The following SYNDIG1 variants were observed in gnomAD, a reference collection of about 807,000 sequenced individuals.
The protein encoded by SYNDIG1 is synapse differentiation-inducing gene protein 1.
A neutral mutation model predicts 19.4 loss-of-function variants in SYNDIG1; 9 were observed. The ratio of observed to expected loss-of-function variants is 0.46; its 90% CI spans 0.28 to 0.81. The LOEUF (loss-of-function observed/expected upper bound fraction) is 0.81. Among genes scored for constraint, SYNDIG1 ranks in the 30% least tolerant of loss-of-function variants. The probability of loss-of-function intolerance (pLI) is 0.12; values close to 1 mark genes in which losing one functional copy is unlikely to be tolerated. For missense variants in SYNDIG1, 311 were observed against 343.3 expected (o/e 0.91, Z 0.74); for synonymous variants, 141 against 145.9 (o/e 0.97, Z 0.24).
At chr20:24,579,900 T>A (rs940433643) in intron 2 of SYNDIG1, among the ~76,000 whole-genome samples, 10 of 152,180 alleles carry the variant, frequency 6.6e-5, no homozygotes, top group Non-Finnish European at 1.0e-4. Flanking sequence ...AAACATTTGG[T>A]GTCATGCCCT....
intron 3 of SYNDIG1, among the ~76,000 whole-genome samples, chr20:24,632,330 CTCAGGT>C (rs1256130650): frequency 5.9e-5 from 9 of 152,324 alleles, no homozygotes; most frequent in Admixed American, 5.9e-4. Flanking sequence ...AACTCTGCCC[CTCAGGT>C]TCAAGTGATT....
chr20:24,482,453 T>A (rs975589075), intron 1 of SYNDIG1, among the ~76,000 whole-genome samples: 1 of 152,210 alleles, frequency 6.6e-6, no homozygotes, highest in Admixed American at 6.5e-5. Flanking sequence ...GCTTCAGAGA[T>A]TCCAGTTGCT....
intron 1 of SYNDIG1, among the ~76,000 whole-genome samples, chr20:24,510,295 G>A (rs1451185796): frequency 2.0e-5 from 3 of 151,904 alleles, no homozygotes; most frequent in African/African-American, 7.3e-5. Context: ...TGGGCTGGGC[G>A]CAGTGACTCA....
chr20:24,603,593 G>T (rs1600723858), intron 3 of SYNDIG1, among the ~76,000 whole-genome samples: 1 of 152,186 alleles, frequency 6.6e-6, no homozygotes, highest in Non-Finnish European at 1.5e-5. Flanking sequence ...ACACACGCCT[G>T]GGATGGCAGC....
rs184063587 is a variant in SYNDIG1 at position 24,488,287 on chromosome 20, A to G, written c.-79+18534A>G. ...TGGCCCTGGTAAAAGGCAAGGCACC[A>G]TGCGAGGCACTGCATTCACAGTGAA... On this transcript the variant is annotated intron_variant, in intron 1 of 3. Coordinates refer to ENST00000376862, the MANE Select transcript of SYNDIG1 (RefSeq NM_024893.3). Among the ~76,000 whole-genome samples, 33 of 152,372 alleles carry G rather than the reference A, an allele frequency of 2.2e-4. No homozygotes were observed. In the East Asian group the frequency reaches 6.0e-3, roughly 28 times the overall value.
intron 3 of SYNDIG1, among the ~76,000 whole-genome samples, chr20:24,660,954 G>A (rs1045226168): frequency 2.0e-5 from 3 of 152,200 alleles, no homozygotes; most frequent in Non-Finnish European, 4.4e-5. Context: ...CTGGTCACCC[G>A]CCCGCAGTGC....
chr20:24,519,372 T>C (rs976691955), intron 1 of SYNDIG1, among the ~76,000 whole-genome samples: 1 of 152,214 alleles, frequency 6.6e-6, no homozygotes, highest in African/African-American at 2.4e-5. Flanking sequence ...TTTTGGTTTA[T>C]TTCAGCAAAT....
intron 3 of SYNDIG1, among the ~76,000 whole-genome samples, chr20:24,610,392 G>A (rs17823746): frequency 0.19 from 29,540 of 152,196 alleles, 3,808 homozygotes; most frequent in Admixed American, 0.35. Flanking sequence ...TCCACGCAAC[G>A]ATTCCGGATC....
At chr20:24,489,298 A>T (rs1237136559) in intron 1 of SYNDIG1, among the ~76,000 whole-genome samples, 7 of 152,044 alleles carry the variant, frequency 4.6e-5, no homozygotes, top group Admixed American at 3.9e-4. Flanking sequence ...GCACAGTCAC[A>T]TGCAGGCACA....
chr20:24,551,555 AT>A (rs61461180), intron 2 of SYNDIG1, among the ~76,000 whole-genome samples: 10,312 of 137,012 alleles, frequency 0.075, 561 homozygotes, highest in African/African-American at 0.16. Flanking sequence ...TTTTTTACCT[AT>A]TTTTTTTTTT....
At chr20:24,548,089 C>A (rs949000470) in intron 2 of SYNDIG1, among the ~76,000 whole-genome samples, 1 of 152,168 alleles carries the variant, frequency 6.6e-6, no homozygotes, top group African/African-American at 2.4e-5. Context: ...ACTTGGCCAT[C>A]GAATCCTCGA....
chr20:24,477,440 C>T (rs1336356790), intron 1 of SYNDIG1, among the ~76,000 whole-genome samples: 1 of 152,156 alleles, frequency 6.6e-6, no homozygotes, highest in Admixed American at 6.5e-5. Flanking sequence ...TCTGTCCCAC[C>T]CAGAGTCTGG....
chr20:24,612,912 G>A (rs891755386), intron 3 of SYNDIG1, among the ~76,000 whole-genome samples: 4 of 152,212 alleles, frequency 2.6e-5, no homozygotes, highest in African/African-American at 9.7e-5. Flanking sequence ...CATGCTGAGC[G>A]CTTCCATGTG....
At chr20:24,550,228 T>A (rs541908388) in intron 2 of SYNDIG1, among the ~76,000 whole-genome samples, 2 of 152,344 alleles carry the variant, frequency 1.3e-5, no homozygotes, top group African/African-American at 4.8e-5. Context: ...CATTTATCTG[T>A]TTGTTGTTGG....
At chr20:24,561,625 T>C (rs1348233033) in intron 2 of SYNDIG1, among the ~76,000 whole-genome samples, 3 of 152,206 alleles carry the variant, frequency 2.0e-5, no homozygotes, top group African/African-American at 7.2e-5. Flanking sequence ...AAATAACACA[T>C]TTTGATATAT....
chr20:24,543,875 C>T (rs116113432), intron 2 of SYNDIG1, among the ~76,000 whole-genome samples: 3,556 of 152,236 alleles, frequency 0.023, 84 homozygotes, highest in Admixed American at 0.072. Flanking sequence ...CCTGCTCTCC[C>T]GCATCCCATG....
intron 3 of SYNDIG1, among the ~76,000 whole-genome samples, chr20:24,619,285 A>G (rs1324277444): frequency 6.6e-6 from 1 of 152,218 alleles, no homozygotes; most frequent in African/African-American, 2.4e-5. Flanking sequence ...CTGGCTGCGC[A>G]GTGTGTCCAC....
intron 3 of SYNDIG1, among the ~76,000 whole-genome samples, chr20:24,631,142 A>C (rs368259984): frequency 6.6e-6 from 1 of 152,262 alleles, no homozygotes; most frequent in Non-Finnish European, 1.5e-5. Context: ...TACAAGGGAA[A>C]CCATGGAAAT....
In SYNDIG1 at chr20:24,501,414, G is replaced by C. The variant is rs1354389326; in HGVS notation, c.-79+31661G>C. Reference sequence around the variant, plus strand: ...GGAGTGGATTCCATGGATCGAATCTGTGAATCCAGTTCACGGATATCGTTG... The same window carrying C: ...GGAGTGGATTCCATGGATCGAATCTCTGAATCCAGTTCACGGATATCGTTG... On this transcript the variant is annotated intron_variant, in intron 1 of 3. Coordinates refer to ENST00000376862, the MANE Select transcript of SYNDIG1 (RefSeq NM_024893.3). Among the ~76,000 whole-genome samples, 3 of 152,322 alleles carry C rather than the reference G, an allele frequency of 2.0e-5. No homozygotes were observed. The East Asian group carries it at 5.8e-4, about 29-fold the overall frequency.
Sources: allele counts gnomAD v4.1 joint callset (sites outside exome capture counted in the v4.1 genomes callset), GRCh38; gene constraint gnomAD v4.1.1; transcripts MANE v1.5; gene names NCBI Gene and HGNC (gene_info 2026-07-23, HGNC 2026-07-21).